The following MYO9B variants were observed in gnomAD, a reference collection of about 807,000 sequenced individuals.
MYO9B encodes the protein unconventional myosin-IXb.
Under a neutral mutation model 229.5 loss-of-function variants are expected in MYO9B, and 71 were observed. The observed-to-expected ratio is 0.31, with a 90% CI of 0.26 to 0.38. The LOEUF (loss-of-function observed/expected upper bound fraction) is 0.38, where lower values mean the gene tolerates loss of function less well. Ranked by LOEUF, MYO9B falls within the 10% of genes least tolerant of loss-of-function variation. The probability of loss-of-function intolerance (pLI) is 1.00; values close to 1 mark genes in which losing one functional copy is unlikely to be tolerated. For missense variants in MYO9B, 2,255 were observed against 2,920.5 expected (o/e 0.77, Z 5.25); for synonymous variants, 1,185 against 1,235.8 (o/e 0.96, Z 0.86).
intron 8 of MYO9B, among the ~76,000 whole-genome samples, chr19:17,159,758 A>G (rs2072577678): frequency 6.6e-6 from 1 of 152,274 alleles, no homozygotes; most frequent in Admixed American, 6.5e-5. Flanking sequence ...ATGGTTGGCC[A>G]GATCCAGCCC....
At chr19:17,097,854 A>G (rs185251606) in intron 1 of MYO9B, among the ~76,000 whole-genome samples, 155 of 152,294 alleles carry the variant, frequency 1.0e-3, no homozygotes, top group African/African-American at 3.6e-3. Context: ...TCCAGGCTGT[A>G]ATATTACAGT....
At position 17,139,066 on chromosome 19, in the gene MYO9B, A is replaced by G. The variant is rs2072305975; in HGVS notation, c.841-6331A>G. Among the ~76,000 whole-genome samples, 3 of 151,990 alleles carry G rather than the reference A, an allele frequency of 2.0e-5. No homozygotes were observed. The South Asian group carries it at 6.2e-4, about 32-fold the overall frequency. ...GTGGCTCGCGCCTGTAGTCCCAGTT[A>G]CTCTGGAGGCTGAGGCAGGAGGATA... On this transcript the variant is annotated intron_variant, in intron 2 of 39. Transcript: ENST00000682292.
At chr19:17,200,029 G>A (rs538732146) in intron 24 of MYO9B, among the ~76,000 whole-genome samples, 3 of 151,948 alleles carry the variant, frequency 2.0e-5, no homozygotes, top group Admixed American at 6.6e-5. Context: ...CCACCATCAC[G>A]CCCTGCTATT....
intron 29 of MYO9B, 21 bp downstream of exon 29, chr19:17,202,904 T>C (rs1319019365): frequency 1.9e-6 from 3 of 1,596,216 alleles, no homozygotes; most frequent in Middle Eastern, 3.3e-4. Flanking sequence ...TGCACATAGA[T>C]GAGAGTCCGA....
chr19:17,079,581 C>A (rs977662246), intron 1 of MYO9B, among the ~76,000 whole-genome samples: 4 of 152,190 alleles, frequency 2.6e-5, no homozygotes, highest in African/African-American at 9.7e-5. Context: ...GGCCCTTTCG[C>A]CCGCCCGTTC....
chr19:17,198,120 CT>C, intron 23 of MYO9B, 63 bp from the exon 24 acceptor site: 5 of 1,598,484 alleles, frequency 3.1e-6, no homozygotes, highest in Non-Finnish European at 4.3e-6. Flanking sequence ...CCTGCAGGGG[CT>C]TCCCCATCTA....
At chr19:17,113,209 G>A (rs957677718) in intron 2 of MYO9B, among the ~76,000 whole-genome samples, 14 of 152,198 alleles carry the variant, frequency 9.2e-5, no homozygotes, top group African/African-American at 3.4e-4. Context: ...CTGGGCTGAG[G>A]GAGAAGGAAG....
chr19:17,206,611 G>T, intron 33 of MYO9B, 68 bp from the exon 34 acceptor site: 1 of 1,418,056 alleles, frequency 7.1e-7, no homozygotes, highest in Non-Finnish European at 9.7e-7. Flanking sequence ...CTCAGGTCGT[G>T]TTGGTGGGGA....
chr19:17,126,005 C>A (rs941129036), intron 2 of MYO9B, among the ~76,000 whole-genome samples: 9 of 152,274 alleles, frequency 5.9e-5, no homozygotes, highest in Middle Eastern at 3.4e-3. Context: ...TCTTGCACCA[C>A]ATAGCTGCCT....
At chr19:17,106,605 C>A (rs1196620781) in intron 2 of MYO9B, among the ~76,000 whole-genome samples, 1 of 152,240 alleles carries the variant, frequency 6.6e-6, no homozygotes, top group Non-Finnish European at 1.5e-5. Context: ...CAGTGCCTGG[C>A]ATCCACACCC....
intron 14 of MYO9B, chr19:17,178,376 G>C (rs1009755147): frequency 1.3e-5 from 2 of 152,014 alleles, no homozygotes; most frequent in African/African-American, 4.8e-5. Flanking sequence ...GCCAAAGCCG[G>C]AGGATCACTT....
chr19:17,088,734 A>G (rs2057608366), intron 1 of MYO9B, among the ~76,000 whole-genome samples: 1 of 152,226 alleles, frequency 6.6e-6, no homozygotes, highest in Non-Finnish European at 1.5e-5. Flanking sequence ...TCTGTTGCCC[A>G]GGCTGGAGTG....
chr19:17,128,747 G>C (rs1005553591), intron 2 of MYO9B, among the ~76,000 whole-genome samples: 3 of 152,380 alleles, frequency 2.0e-5, no homozygotes, highest in African/African-American at 7.2e-5. Flanking sequence ...GTTCTGCTAG[G>C]AACTTGGAGA....
At chr19:17,197,557 C>T (rs2073059715) in intron 22 of MYO9B, among the ~76,000 whole-genome samples, 1 of 152,152 alleles carries the variant, frequency 6.6e-6, no homozygotes, top group African/African-American at 2.4e-5. Flanking sequence ...GGGTGGAGAC[C>T]ATTCTCTGTA....
rs1365970776 is a variant in MYO9B, at chr19:17,195,274, A to C, written c.3847A>C (p.Arg1283=). The part of the protein sequence containing the change: ...EDKSKPCGSP[R]VQEKPDSPGG... ...CAAGAGCAAACCATGTGGCAGCCCA[A>C]GGGTTCAGGAAAAGCCCGACAGCCC... The change falls in exon 22 of 40, where the codon AGG becomes CGG. Residue 1283 remains arginine, a synonymous_variant. Transcript: ENST00000682292. The surrounding 1 kb of genome is among the most constrained non-coding windows in gnomAD (Gnocchi z 4.5). 3 of 1,612,128 alleles carry C rather than the reference A, an allele frequency of 1.9e-6. No homozygotes were observed. Among genetic ancestry groups the C allele is most frequent in the Non-Finnish European group, 2.5e-6 (3 of 1,179,682 alleles).
intron 8 of MYO9B, among the ~76,000 whole-genome samples, chr19:17,159,963 A>T (rs551160374): frequency 6.6e-6 from 1 of 152,154 alleles, no homozygotes; most frequent in Non-Finnish European, 1.5e-5. Context: ...ACTCTGGAAC[A>T]TGACACTGAC....
chr19:17,165,018 C>A (rs2072643505), intron 10 of MYO9B, among the ~76,000 whole-genome samples: 1 of 152,090 alleles, frequency 6.6e-6, no homozygotes, highest in African/African-American at 2.4e-5. Flanking sequence ...TTGCACACCA[C>A]CACACCCAGC....
At chr19:17,082,631 C>G (rs2057543758) in intron 1 of MYO9B, among the ~76,000 whole-genome samples, 1 of 152,080 alleles carries the variant, frequency 6.6e-6, no homozygotes, top group Non-Finnish European at 1.5e-5. Context: ...CCATGGGGGG[C>G]AAGGGGTAGC....
intron 11 of MYO9B, 126 bp downstream of exon 11, chr19:17,168,190 G>T: frequency 1.6e-6 from 2 of 1,279,440 alleles, no homozygotes; most frequent in Non-Finnish European, 2.1e-6. Flanking sequence ...TTTGAGACAG[G>T]GTCTCACTCT....
Sources: gnomAD v4.1 joint callset for allele counts (sites outside exome capture counted in the v4.1 genomes callset) on GRCh38, gnomAD v4.1.1 for gene constraint, Gnocchi (gnomAD v3.1) non-coding constraint, MANE v1.5 for transcripts, NCBI Gene and HGNC (gene_info 2026-07-23, HGNC 2026-07-21) for gene names.